The following CMYA5 variants were observed in gnomAD, a reference collection of about 807,000 sequenced individuals.
The protein encoded by CMYA5 is cardiomyopathy-associated protein 5.
In CMYA5, 246 loss-of-function variants were observed where a neutral mutation model predicts 318.9. The ratio of observed to expected loss-of-function variants is 0.77; its 90% CI spans 0.70 to 0.86. The LOEUF is 0.86. Ranked by LOEUF, CMYA5 falls within the 40% of genes least tolerant of loss-of-function variation. The probability of loss-of-function intolerance (pLI) is 0.00; values close to 1 mark genes in which losing one functional copy is unlikely to be tolerated. For missense variants in CMYA5, 4,589 were observed against 4,678.2 expected, an observed-to-expected ratio of 0.98 and a Z score of 0.56; for synonymous variants, 1,641 against 1,729.5, an observed-to-expected ratio of 0.95 and a Z score of 1.27.
At chr5:79,746,750 T>C (rs1828331630) in intron 4 of CMYA5, among the ~76,000 whole-genome samples, 1 of 152,148 alleles carries the variant, frequency 6.6e-6, no homozygotes, top group Non-Finnish European at 1.5e-5. Context: ...AGCCATTGGT[T>C]GATGAATAGA....
At chr5:79,701,504 A>T (rs558674836) in intron 1 of CMYA5, among the ~76,000 whole-genome samples, 2 of 152,024 alleles carry the variant, frequency 1.3e-5, no homozygotes, top group East Asian at 3.9e-4. Flanking sequence ...AATAAATTAA[A>T]ATCTCACACA....
At chr5:79,758,977 T>G (rs1165574440) in intron 7 of CMYA5, 75 bp downstream of exon 7, 1 of 1,227,274 alleles carries the variant, frequency 8.1e-7, no homozygotes, top group African/African-American at 1.5e-5. Context: ...AATATACACC[T>G]GTATTATGAC....
chr5:79,741,020 C>A (rs1455619208), intron 2 of CMYA5, among the ~76,000 whole-genome samples: 1 of 152,110 alleles, frequency 6.6e-6, no homozygotes, highest in East Asian at 1.9e-4. Flanking sequence ...GGAATATAGT[C>A]ATGCACTGCC....
At chr5:79,773,330 A>G (rs775460543) in intron 9 of CMYA5, among the ~76,000 whole-genome samples, 5 of 152,238 alleles carry the variant, frequency 3.3e-5, no homozygotes, top group Non-Finnish European at 7.3e-5. Context: ...AAAAAAATAA[A>G]TTGTGCCAGC....
rs1331428697 is a variant in CMYA5, at chr5:79,723,127, GACAA to G, written c.150-5784_150-5781del. 2.6e-5 allele frequency among the ~76,000 whole-genome samples: 4 copies of G among 152,196 alleles called. No individual in the cohort carries two copies. The South Asian group carries it at 6.2e-4, about 24-fold the overall frequency. ...CATCATAATCTTGCTACAAAAACCT[GACAA>G]ACACATTATAGAAAAGGAAATTACA... On this transcript the variant is annotated intron_variant, in intron 1 of 12. Coordinates refer to ENST00000446378, the MANE Select transcript of CMYA5 (RefSeq NM_153610.5).
chr5:79,737,932 A>G lies in CMYA5; in HGVS notation c.9167A>G (p.Tyr3056Cys). ...AGTGAAGAGGATTATTTTGAAAAAT[A>G]TACTTTGATTGATTATAACATCTCC... ...IPSEEDYFEKYTLIDYNISPD... is the reference protein window; with the variant it reads ...IPSEEDYFEKCTLIDYNISPD... The change falls in exon 2 of 13, where the codon TAT (tyrosine) becomes TGT (cysteine). Residue 3056 changes from tyrosine to cysteine, a missense_variant. Coordinates refer to ENST00000446378, the MANE Select transcript of CMYA5 (RefSeq NM_153610.5). 6.2e-7 allele frequency: 1 copy of G among 1,607,418 alleles called. No individual in the cohort carries two copies. The highest frequency in any genetic ancestry group is 2.2e-5 in the East Asian group (1 of 44,832).
Position 79,739,250 on chromosome 5 carries a change from A to G in CMYA5, c.10485A>G (p.Val3495=). The G allele has an allele frequency of 6.2e-7, 1 of 1,612,692 alleles. No individual in the cohort carries two copies. The highest frequency in any genetic ancestry group is 8.5e-7 in the Non-Finnish European group (1 of 1,179,354). The stretch of plus-strand genomic sequence containing the variant: ...AAGAAGACCAATTATCATCTGAGGT[A>G]GTAACTGAAAAGGCACAAAAAGAGC... The part of the protein sequence containing the change: ...RKEEDQLSSE[V]VTEKAQKELK... Residue 3495 remains valine (V), a synonymous_variant, in exon 2 of 13, where the codon GTA becomes GTG. Coordinates refer to ENST00000446378, the MANE Select transcript of CMYA5 (RefSeq NM_153610.5).
At chr5:79,743,718 T>C (rs1372796208) in intron 2 of CMYA5, 109 bp from the exon 3 acceptor site, 7 of 581,794 alleles carry the variant, frequency 1.2e-5, no homozygotes, top group East Asian at 2.9e-5. Context: ...GGATATAGTA[T>C]AGTAAGTCTC....
intron 4 of CMYA5, among the ~76,000 whole-genome samples, chr5:79,746,547 TAAA>T (rs11423461): frequency 0.018 from 1,220 of 68,876 alleles, 16 homozygotes; most frequent in African/African-American, 0.065. Context: ...GAGCAAACTG[TAAA>T]AAAAAAAAAA....
At chr5:79,769,363 AAGG>A (rs533541724) in intron 9 of CMYA5, among the ~76,000 whole-genome samples, 52 of 152,114 alleles carry the variant, frequency 3.4e-4, no homozygotes, top group Admixed American at 3.0e-3. Flanking sequence ...TGATCCTTTA[AAGG>A]AGAAGAGGTG....
At position 79,775,642 on chromosome 5, in the gene CMYA5, C is replaced by T. The variant is rs1388862643; in HGVS notation, c.11555+12433C>T. Reference sequence around the variant, plus strand: ...CAATTATATTTCTTGACATTCAGCTCTAAGATGAATTTTTCATGTAGATCT... The same window carrying T: ...CAATTATATTTCTTGACATTCAGCTTTAAGATGAATTTTTCATGTAGATCT... On this transcript the variant is annotated intron_variant, in intron 9 of 12. Transcript: ENST00000446378. Among the ~76,000 whole-genome samples the T allele has an allele frequency of 2.0e-5, 3 of 152,104 alleles. No homozygotes were observed. In the East Asian group the frequency reaches 5.8e-4, roughly 29 times the overall value.
Position 79,789,085 on chromosome 5 carries a change from T to C in CMYA5, c.11670T>C (p.Ala3890=). ...TTGGGACAAGTGAACAGAGTGAAGC[T>C]GCTCTCATCTCCACCAGAGGTACTT... is the stretch of plus-strand genomic sequence containing the variant. The part of the protein sequence containing the change: ...NAFGTSEQSE[A]ALISTRGTRF... The change falls in exon 10 of 13, where the codon GCT becomes GCC. Residue 3890 remains alanine (A), a synonymous_variant. Coordinates refer to ENST00000446378, the MANE Select transcript of CMYA5 (RefSeq NM_153610.5). 2 of 1,613,836 alleles carry C rather than the reference T, an allele frequency of 1.2e-6. No homozygotes were observed. The highest frequency in any genetic ancestry group is 1.7e-6 in the Non-Finnish European group (2 of 1,179,806).
In CMYA5 at chr5:79,737,216, A is replaced by G; in HGVS notation, c.8451A>G (p.Pro2817=). ...CATATTTGCTGTCACCTGTAAAACC[A>G]CAAACTCTTGCTTCAGGAGCTTCTC... ...TPPYLLSPVK[P]QTLASGASPE... The change falls in exon 2 of 13, where the codon CCA becomes CCG. Residue 2817 remains proline (P), a synonymous_variant. Coordinates refer to ENST00000446378, the MANE Select transcript of CMYA5 (RefSeq NM_153610.5). 1 of 1,613,782 alleles carries G rather than the reference A, an allele frequency of 6.2e-7. No individual in the cohort carries two copies. Among genetic ancestry groups the G allele is most frequent in the Non-Finnish European group, 8.5e-7 (1 of 1,179,812 alleles).
intron 12 of CMYA5, among the ~76,000 whole-genome samples, chr5:79,796,105 T>C (rs1360002652): frequency 1.3e-5 from 2 of 151,998 alleles, no homozygotes; most frequent in Middle Eastern, 3.2e-3. Flanking sequence ...CAGGTAGGGA[T>C]TGGCTCAAGG....
At chr5:79,770,653 C>T (rs1828839266) in intron 9 of CMYA5, among the ~76,000 whole-genome samples, 1 of 152,080 alleles carries the variant, frequency 6.6e-6, no homozygotes. Context: ...GTTGGAAATG[C>T]AGAAATCACC....
chr5:79,759,128 C>G (rs1366516893), intron 7 of CMYA5, among the ~76,000 whole-genome samples: 1 of 152,192 alleles, frequency 6.6e-6, no homozygotes, highest in Non-Finnish European at 1.5e-5. Context: ...TAATAGTCAA[C>G]ACAAATATTG....
At chr5:79,712,855 A>G (rs1827425445) in intron 1 of CMYA5, among the ~76,000 whole-genome samples, 1 of 152,168 alleles carries the variant, frequency 6.6e-6, no homozygotes, top group Non-Finnish European at 1.5e-5. Flanking sequence ...TCACTGGTTT[A>G]TTTTAAAAAA....
In CMYA5 at chr5:79,729,512, A is replaced by G; in HGVS notation, c.747A>G (p.Pro249=). 6.2e-7 allele frequency: 1 copy of G among 1,611,004 alleles called. No individual in the cohort carries two copies. Among genetic ancestry groups the G allele is most frequent in the Non-Finnish European group, 8.5e-7 (1 of 1,178,214 alleles). The change falls in exon 2 of 13, where the codon CCA becomes CCG. Residue 249 remains proline, a synonymous_variant. Coordinates refer to ENST00000446378, the MANE Select transcript of CMYA5 (RefSeq NM_153610.5). ...LIPLQFYGTL[P]KGYVIKEIHY... is the part of the protein sequence containing the mutation. Reference sequence around the variant, plus strand: ...CTCTACAATTTTATGGAACATTGCCAAAGGGTTATGTAATTAAAGAAATAC... The same window carrying G: ...CTCTACAATTTTATGGAACATTGCCGAAGGGTTATGTAATTAAAGAAATAC...
intron 1 of CMYA5, among the ~76,000 whole-genome samples, chr5:79,697,204 A>C (rs961936936): frequency 2.0e-5 from 3 of 152,230 alleles, no homozygotes; most frequent in Non-Finnish European, 4.4e-5. Flanking sequence ...CAGCAAATGC[A>C]TTGGTACAAT....
Sources: gnomAD v4.1 joint callset for allele counts (sites outside exome capture counted in the v4.1 genomes callset) on GRCh38, gnomAD v4.1.1 for gene constraint, MANE v1.5 for transcripts, NCBI Gene and HGNC (gene_info 2026-07-23, HGNC 2026-07-21) for gene names.